Variants in ADAMTS19 observed in about 807,000 individuals in gnomAD.
ADAMTS19 encodes ADAM metallopeptidase with thrombospondin type 1 motif 19.
ADAMTS19 carries 93 observed loss-of-function variants against 153.3 expected under a neutral mutation model. The observed-to-expected ratio is 0.61, with a 90% CI of 0.51 to 0.72. ADAMTS19 has a LOEUF of 0.72. ADAMTS19 is among the 30% of genes least tolerant of loss of function. The pLI is 0.00. For synonymous variants in ADAMTS19, 600 were observed against 556.6 expected (o/e 1.08, Z -1.10); for missense variants, 1,482 against 1,552.1 (o/e 0.95, Z 0.76).
intron 8 of ADAMTS19, among the ~76,000 whole-genome samples, chr5:129,602,449 T>C (rs1013087484): frequency 6.6e-6 from 1 of 151,316 alleles, no homozygotes; most frequent in Non-Finnish European, 1.5e-5. Flanking sequence ...GGGTTTCTAA[T>C]AAAAACAACA....
chr5:129,582,617 G>C (rs897980728), intron 7 of ADAMTS19, among the ~76,000 whole-genome samples: 4 of 152,024 alleles, frequency 2.6e-5, no homozygotes, highest in African/African-American at 9.7e-5. Context: ...CTGTTGCCCA[G>C]GCTGGAGTGC....
Position 129,526,462 on chromosome 5 carries a change from C to A in ADAMTS19, c.1086+6C>A. On this transcript the variant is annotated splice_donor_region_variant and intron_variant, in intron 4 of 22. Coordinates refer to ENST00000274487, the MANE Select transcript of ADAMTS19 (RefSeq NM_133638.6). ...TTCTAACCATCTTAAATATGGTAGG[C>A]AAACTTTAAAGTGCGCTTGGAATTT... 6.3e-7 allele frequency: 1 copy of A among 1,584,094 alleles called. No individual in the cohort carries two copies. Among genetic ancestry groups the A allele is most frequent in the Non-Finnish European group, 8.6e-7 (1 of 1,169,572 alleles).
intron 6 of ADAMTS19, among the ~76,000 whole-genome samples, chr5:129,531,021 TG>T (rs937978069): frequency 6.6e-6 from 1 of 152,086 alleles, no homozygotes. Flanking sequence ...AGTGAACAAT[TG>T]GAAAAAAACT....
At chr5:129,546,234 G>A (rs945253460) in intron 6 of ADAMTS19, among the ~76,000 whole-genome samples, 1 of 149,404 alleles carries the variant, frequency 6.7e-6, no homozygotes, top group Non-Finnish European at 1.5e-5. Flanking sequence ...TGGGGACTGT[G>A]GTGGGGTGGG....
In ADAMTS19 at chr5:129,643,536, G is replaced by C. The variant is rs150022131; in HGVS notation, c.1872+1576G>C. On this transcript the variant is annotated intron_variant, in intron 11 of 22. Coordinates refer to ENST00000274487, the MANE Select transcript of ADAMTS19 (RefSeq NM_133638.6). ...ACTTTTCTGCAGCCATTTCTGGATT[G>C]TTTGACATAAGCATGCAGTGATTTA... 3.9e-3 allele frequency among the ~76,000 whole-genome samples: 586 copies of C among 152,002 alleles called. 14 individuals are homozygous for C. Among genetic ancestry groups the C allele is most frequent in the Admixed American group, 0.026 (395 of 15,256 alleles).
At chr5:129,678,005 G>A (rs1255130658) in intron 16 of ADAMTS19, among the ~76,000 whole-genome samples, 1 of 152,064 alleles carries the variant, frequency 6.6e-6, no homozygotes, top group Non-Finnish European at 1.5e-5. Context: ...TAGAGATGGG[G>A]TTTTGCCATG....
In ADAMTS19 at chr5:129,479,352, T is replaced by C. The variant is rs541038181; in HGVS notation, c.747+17595T>C. Among the ~76,000 whole-genome samples the C allele has an allele frequency of 2.3e-3, 345 of 152,318 alleles. 1 individual carries two copies. The highest frequency in any genetic ancestry group is 7.7e-3 in the African/African-American group (318 of 41,566). ...TAATGTAATCTATCTTCTCTTTCTC[T>C]TTCTGTTTCCTTTCTGATGTTGGTA... is the stretch of plus-strand genomic sequence containing the variant. On this transcript the variant is annotated intron_variant, in intron 2 of 22. Transcript: ENST00000274487.
intron 15 of ADAMTS19, 92 bp downstream of exon 15, chr5:129,658,829 A>C: frequency 1.5e-6 from 2 of 1,336,828 alleles, no homozygotes; most frequent in Non-Finnish European, 2.0e-6. Flanking sequence ...TTATAGTTCT[A>C]ATTCTATTGA....
intron 18 of ADAMTS19, 120 bp from the exon 19 acceptor site, chr5:129,694,596 TAAAA>T (rs1269069455): frequency 2.3e-5 from 12 of 512,416 alleles, no homozygotes; most frequent in Non-Finnish European, 2.8e-5. Context: ...TTTAATAAAA[TAAAA>T]ATTTAAATTA....
intron 7 of ADAMTS19, among the ~76,000 whole-genome samples, chr5:129,554,732 C>A (rs1041249022): frequency 2.0e-5 from 3 of 152,042 alleles, no homozygotes; most frequent in Non-Finnish European, 2.9e-5. Context: ...AAGACTTTTA[C>A]GTTACTTGTA....
chr5:129,665,564 G>A lies in ADAMTS19; in HGVS notation c.2491G>A (p.Ala831Thr). Residue 831 changes from alanine to threonine, a missense_variant, in exon 16 of 23, where the codon GCA becomes ACA. Transcript: ENST00000274487. ...AATCAAAGTTGTGGAGGAAAAGCCGGCACATAGCTATTTAGGTAACCTGTG... is the reference window on the plus strand; with the variant it reads ...AATCAAAGTTGTGGAGGAAAAGCCGACACATAGCTATTTAGGTAACCTGTG... ...RRIKVVEEKP[A>T]HSYLALRDAG... The A allele has an allele frequency of 6.2e-7, 1 of 1,609,848 alleles. No homozygotes were observed. The highest frequency in any genetic ancestry group is 8.5e-7 in the Non-Finnish European group (1 of 1,177,268).
At chr5:129,658,359 AAGAAAGAAAG>A (rs1188811129) in intron 14 of ADAMTS19, among the ~76,000 whole-genome samples, 21 of 132,412 alleles carry the variant, frequency 1.6e-4, no homozygotes, top group Non-Finnish European at 2.1e-4. Context: ...GAAAGAAAGA[AAGAAAGAAAG>A]AGAGAGAGGA....
intron 12 of ADAMTS19, among the ~76,000 whole-genome samples, chr5:129,648,457 ACCT>A (rs1275937150): frequency 1.3e-5 from 2 of 152,066 alleles, no homozygotes; most frequent in East Asian, 1.9e-4. Context: ...ATGTAAAAAC[ACCT>A]CCTTAAAAAT....
intron 21 of ADAMTS19, among the ~76,000 whole-genome samples, chr5:129,730,073 G>T (rs1757371801): frequency 1.3e-5 from 2 of 152,058 alleles, no homozygotes; most frequent in African/African-American, 2.4e-5. Context: ...TCCCTTAAAA[G>T]TTTTAGTTAA....
At chr5:129,564,418 G>A (rs1042904148) in intron 7 of ADAMTS19, among the ~76,000 whole-genome samples, 2 of 152,138 alleles carry the variant, frequency 1.3e-5, no homozygotes, top group Non-Finnish European at 2.9e-5. Context: ...TATTAATTGG[G>A]GGCTTTTATA....
chr5:129,689,168 G>C (rs1472136187), intron 18 of ADAMTS19, among the ~76,000 whole-genome samples: 3 of 152,058 alleles, frequency 2.0e-5, no homozygotes, highest in Non-Finnish European at 4.4e-5. Context: ...ATCCTAAGCA[G>C]ATCTACTTTG....
At chr5:129,717,025 A>G (rs1756761113) in intron 21 of ADAMTS19, among the ~76,000 whole-genome samples, 3 of 152,170 alleles carry the variant, frequency 2.0e-5, no homozygotes, top group Admixed American at 2.0e-4. Context: ...TTTGCCTACA[A>G]TTTGTTTCTT....
At chr5:129,684,064 A>C in intron 17 of ADAMTS19, 56 bp from the exon 18 acceptor site, 1 of 1,517,500 alleles carries the variant, frequency 6.6e-7, no homozygotes, top group East Asian at 2.3e-5. Flanking sequence ...TTTATGCTTT[A>C]CATTGCACGT....
chr5:129,732,094 T>C (rs980660449), intron 21 of ADAMTS19, among the ~76,000 whole-genome samples: 3 of 152,086 alleles, frequency 2.0e-5, no homozygotes, highest in African/African-American at 7.2e-5. Context: ...CTGGTAAAAA[T>C]TGTTACACAT....
Sources: gnomAD v4.1 joint callset for allele counts (sites outside exome capture counted in the v4.1 genomes callset) on GRCh38, gnomAD v4.1.1 for gene constraint, MANE v1.5 for transcripts, NCBI Gene and HGNC (gene_info 2026-07-23, HGNC 2026-07-21) for gene names.